Variants in CMIP observed in about 807,000 individuals in gnomAD.
CMIP encodes the protein c-Maf inducing protein.
CMIP carries 13 observed loss-of-function variants against 97.3 expected under a neutral mutation model. The observed-to-expected ratio is 0.13, with a 90% CI of 0.09 to 0.21. The LOEUF is 0.21. Among genes scored for constraint, CMIP ranks in the 10% least tolerant of loss-of-function variants. The pLI is 1.00. For synonymous variants in CMIP, 538 were observed against 436.3 expected, an observed-to-expected ratio of 1.23 and a Z score of -2.91; for missense variants, 847 against 1,024.9, an observed-to-expected ratio of 0.83 and a Z score of 2.37.
intron 3 of CMIP, among the ~76,000 whole-genome samples, chr16:81,626,470 G>A (rs1241603839): frequency 6.7e-6 from 1 of 149,328 alleles, no homozygotes; most frequent in Admixed American, 6.7e-5. Context: ...TGTATGTGTG[G>A]CATGTGGGGT....
chr16:81,683,334 G>A (rs1394639671), intron 10 of CMIP, among the ~76,000 whole-genome samples: 1 of 152,180 alleles, frequency 6.6e-6, no homozygotes, highest in Non-Finnish European at 1.5e-5. Flanking sequence ...GGCCTTGGTG[G>A]GCTGCAGCTC....
chr16:81,693,046 ATTC>A (rs1455738426), intron 11 of CMIP, 109 bp from the exon 12 acceptor site: 11 of 765,350 alleles, frequency 1.4e-5, no homozygotes, highest in Non-Finnish European at 2.4e-5. Context: ...ATTCCTCTTC[ATTC>A]TTTGAATCAG....
chr16:81,493,918 C>T (rs540119206), intron 1 of CMIP, among the ~76,000 whole-genome samples: 4 of 152,310 alleles, frequency 2.6e-5, no homozygotes, highest in African/African-American at 9.6e-5. Flanking sequence ...TTTCAGGCCT[C>T]GCCTGTACAC....
At chr16:81,650,021 A>G (rs114176846) in intron 3 of CMIP, among the ~76,000 whole-genome samples, 4,620 of 152,334 alleles carry the variant, frequency 0.03, 254 homozygotes, top group African/African-American at 0.11. Flanking sequence ...TTTGGTTGAC[A>G]GTAACTAGGA....
chr16:81,677,811 G>C (rs1904425574), intron 9 of CMIP, among the ~76,000 whole-genome samples: 1 of 152,196 alleles, frequency 6.6e-6, no homozygotes, highest in South Asian at 2.1e-4. Context: ...GGAGAGCAGA[G>C]TCCTGGAGGA....
chr16:81,490,828 C>T (rs1337919511), intron 1 of CMIP, among the ~76,000 whole-genome samples: 1 of 152,050 alleles, frequency 6.6e-6, no homozygotes, highest in Non-Finnish European at 1.5e-5. Context: ...AATGCACAGG[C>T]CCCAAGGAGG....
At chr16:81,510,227 G>T (rs2927307) in intron 1 of CMIP, among the ~76,000 whole-genome samples, 2 of 151,964 alleles carry the variant, frequency 1.3e-5, no homozygotes, top group East Asian at 1.9e-4. Context: ...GGGGGTGCTC[G>T]CTCCTCACAG....
intron 1 of CMIP, among the ~76,000 whole-genome samples, chr16:81,522,473 A>G (rs1722751358): frequency 6.6e-6 from 1 of 152,192 alleles, no homozygotes; most frequent in Admixed American, 6.5e-5. Context: ...TTTTTGTTAG[A>G]AGGGTGCCAT....
At chr16:81,595,068 A>G (rs940409813) in intron 1 of CMIP, among the ~76,000 whole-genome samples, 1 of 146,028 alleles carries the variant, frequency 6.8e-6, no homozygotes, top group Non-Finnish European at 1.5e-5. Context: ...CTCTCAAGAC[A>G]GCTTAATATT....
At chr16:81,705,741 C>T (rs957495700) in intron 19 of CMIP, 137 bp downstream of exon 19, 2 of 608,514 alleles carry the variant, frequency 3.3e-6, no homozygotes, top group African/African-American at 1.8e-5. Context: ...GTGTTCACTG[C>T]ACACCTGCTG....
chr16:81,586,757 A>G (rs1411298308), intron 1 of CMIP, among the ~76,000 whole-genome samples: 1 of 152,196 alleles, frequency 6.6e-6, no homozygotes, highest in East Asian at 1.9e-4. Flanking sequence ...TACACATGGA[A>G]TTCTACTAAT....
In CMIP at chr16:81,699,734, C is replaced by G; in HGVS notation, c.1688C>G (p.Ser563Cys). The G allele has an allele frequency of 1.2e-6, 2 of 1,613,786 alleles. No homozygotes were observed. Among genetic ancestry groups the G allele is most frequent in the South Asian group, 1.1e-5 (1 of 91,044 alleles). The change falls in exon 15 of 21, where the codon TCC becomes TGC. Residue 563 changes from serine to cysteine, a missense_variant. By Grantham distance (112) the Ser-to-Cys change is moderately radical. Around this residue, in one of 4 missense-constraint regions of CMIP, gnomAD observed 266 missense variants for 384.2 expected, o/e 0.69. Transcript: ENST00000537098. The part of the protein sequence containing the change: ...SCYKTKKFLL[S>C]LAENKLGPCM... The stretch of plus-strand genomic sequence containing the variant: ...TACAAGACCAAAAAATTCCTGCTCT[C>G]CCTGGCAGAAAACAAGCTGGGTCCC...
chr16:81,546,565 G>A (rs1354273949), intron 1 of CMIP, among the ~76,000 whole-genome samples: 2 of 152,174 alleles, frequency 1.3e-5, no homozygotes, highest in Admixed American at 6.5e-5. Context: ...CCCAGGAACC[G>A]AAGAAAGCAC....
At chr16:81,660,562 A>T (rs34636476) in intron 5 of CMIP, among the ~76,000 whole-genome samples, 1 of 152,104 alleles carries the variant, frequency 6.6e-6, no homozygotes, top group African/African-American at 2.4e-5. Flanking sequence ...GGCATGAGCC[A>T]CTGCGCCCAG....
At chr16:81,693,290 T>C in intron 12 of CMIP, 106 bp downstream of exon 12, 2 of 1,396,380 alleles carry the variant, frequency 1.4e-6, no homozygotes, top group South Asian at 1.2e-5. Flanking sequence ...GTGGCTCCTC[T>C]TGGCAGTTCT....
At chr16:81,683,187 C>T (rs1486309592) in intron 10 of CMIP, among the ~76,000 whole-genome samples, 3 of 152,218 alleles carry the variant, frequency 2.0e-5, no homozygotes, top group East Asian at 1.9e-4. Flanking sequence ...TGACATCAAG[C>T]GCTCAGTGCG....
intron 1 of CMIP, among the ~76,000 whole-genome samples, chr16:81,565,552 C>T (rs1020377006): frequency 6.6e-6 from 1 of 152,208 alleles, no homozygotes; most frequent in African/African-American, 2.4e-5. Flanking sequence ...CCAGAAGGAA[C>T]CCATATCGGT....
chr16:81,635,665 C>T (rs909934471), intron 3 of CMIP, among the ~76,000 whole-genome samples: 2 of 152,212 alleles, frequency 1.3e-5, no homozygotes, highest in African/African-American at 4.8e-5. Context: ...TTTGATTATC[C>T]GTGACCATGG....
chr16:81,709,614 G>A, intron 20 of CMIP, 132 bp from the exon 21 acceptor site: 1 of 956,968 alleles, frequency 1.0e-6, no homozygotes, highest in South Asian at 1.5e-5. Flanking sequence ...CAAGAGCCCA[G>A]GTAGCCCACA....
Sources: allele counts gnomAD v4.1 joint callset (sites outside exome capture counted in the v4.1 genomes callset), GRCh38; gene constraint gnomAD v4.1.1; regional missense constraint gnomAD v4.1.1; transcripts MANE v1.5; gene names NCBI Gene and HGNC (gene_info 2026-07-23, HGNC 2026-07-21).